Variants in VAV3 observed in about 807,000 individuals in gnomAD.
VAV3 encodes vav guanine nucleotide exchange factor 3.
In VAV3, 94 loss-of-function variants were observed where a neutral mutation model predicts 131.2. The ratio of observed to expected loss-of-function variants is 0.72; its 90% CI spans 0.61 to 0.85. The LOEUF (loss-of-function observed/expected upper bound fraction) is 0.85. Ranked by LOEUF, VAV3 falls within the 40% of genes least tolerant of loss-of-function variation. The pLI is 0.00. For missense variants in VAV3, 939 were observed against 1,002.7 expected, an observed-to-expected ratio of 0.94 and a Z score of 0.86; for synonymous variants, 349 against 342.0, an observed-to-expected ratio of 1.02 and a Z score of -0.22.
intron 2 of VAV3, among the ~76,000 whole-genome samples, chr1:107,841,074 C>T (rs2100921903): frequency 6.6e-6 from 1 of 152,228 alleles, no homozygotes; most frequent in South Asian, 2.1e-4. Context: ...TTGGCCAGTA[C>T]CAAAGGGAGA....
At chr1:107,673,536 T>C (rs1449455796) in intron 19 of VAV3, 2 of 152,218 alleles carry the variant, frequency 1.3e-5, no homozygotes, top group Admixed American at 6.5e-5. Context: ...CTAAAGTCTA[T>C]GCCTCTTTTA....
chr1:107,941,826 C>A (rs1461774461), intron 1 of VAV3, among the ~76,000 whole-genome samples: 1 of 152,134 alleles, frequency 6.6e-6, no homozygotes, highest in Non-Finnish European at 1.5e-5. Flanking sequence ...ATCATAAAAT[C>A]TCCCAGATGA....
chr1:107,578,807 T>G, intron 25 of VAV3: 1 of 985,138 alleles, frequency 1.0e-6, no homozygotes, highest in Non-Finnish European at 1.2e-6. Context: ...CATAAAGAAA[T>G]AAAACACTAT....
chr1:107,772,522 A>G lies in VAV3; in HGVS notation c.555+213T>C, dbSNP rs142162571. ...TCAGACTTTGTTTCCTTACTAGCGA[A>G]ATGAAAAGACTAGACAAAAGATTCC... On this transcript the variant is annotated intron_variant, in intron 5 of 26. Transcript: ENST00000370056. Among the ~76,000 whole-genome samples the G allele has an allele frequency of 3.9e-5, 6 of 152,286 alleles. No homozygotes were observed. The East Asian group carries it at 7.7e-4, about 20-fold the overall frequency.
chr1:107,783,898 A>G (rs1665839550), intron 2 of VAV3, among the ~76,000 whole-genome samples: 1 of 151,066 alleles, frequency 6.6e-6, no homozygotes, highest in Non-Finnish European at 1.5e-5. Flanking sequence ...AATACAAAAA[A>G]AAAAAAAAAA....
chr1:107,742,667 C>T (rs1396624854), intron 15 of VAV3, among the ~76,000 whole-genome samples: 1 of 152,134 alleles, frequency 6.6e-6, no homozygotes, highest in Non-Finnish European at 1.5e-5. Context: ...CTTTCTTTTC[C>T]CCTTTCCCAC....
intron 24 of VAV3, among the ~76,000 whole-genome samples, chr1:107,598,652 T>C (rs1363433178): frequency 2.0e-5 from 3 of 152,184 alleles, no homozygotes; most frequent in Non-Finnish European, 4.4e-5. Flanking sequence ...ATCTCCAAAA[T>C]GGTTTCAATG....
At chr1:107,672,268 C>CAAAAAAA (rs11299420) in intron 19 of VAV3, 6 of 77,742 alleles carry the variant, frequency 7.7e-5, no homozygotes, top group Non-Finnish European at 1.5e-4. Context: ...GACTCTGTCT[C>CAAAAAAA]AAAAAAAAAA....
chr1:107,924,546 T>C lies in VAV3; in HGVS notation c.204+40120A>G, dbSNP rs576315818. On this transcript the variant is annotated intron_variant, in intron 1 of 26. Coordinates refer to ENST00000370056, the MANE Select transcript of VAV3 (RefSeq NM_006113.5). ...CTCAACTTTTGTCAACTTCTCAGCA[T>C]ACCACCACCAAAAATATCTATGGCT... Among the ~76,000 whole-genome samples the C allele has an allele frequency of 2.3e-4, 35 of 152,310 alleles. No homozygotes were observed. The East Asian group carries it at 6.4e-3, about 28-fold the overall frequency.
At chr1:107,723,469 A>T (rs1206868193) in intron 15 of VAV3, among the ~76,000 whole-genome samples, 1 of 151,992 alleles carries the variant, frequency 6.6e-6, no homozygotes, top group Non-Finnish European at 1.5e-5. Flanking sequence ...CTCCATTTGG[A>T]CCTACCCTGT....
At chr1:107,942,507 TTC>T (rs1327222953) in intron 1 of VAV3, among the ~76,000 whole-genome samples, 3 of 152,172 alleles carry the variant, frequency 2.0e-5, no homozygotes, top group African/African-American at 7.2e-5. Flanking sequence ...CCACCACACT[TTC>T]TAATTGGTAA....
chr1:107,574,081 G>A lies in VAV3; in HGVS notation c.2468C>T (p.Ala823Val). The A allele has an allele frequency of 6.2e-7, 1 of 1,614,104 alleles. No homozygotes were observed. Among genetic ancestry groups the A allele is most frequent in the Middle Eastern group, 1.6e-4 (1 of 6,062 alleles). Residue 823 changes from alanine to valine, a missense_variant, in exon 26 of 27, where the codon GCA (alanine) becomes GTA (valine). By Grantham distance (64) the Ala-to-Val change is moderately conservative (BLOSUM62 0). Transcript: ENST00000370056. ...DVVKIYTKMSANGWWRGEVNG... is the reference protein window; with the variant it reads ...DVVKIYTKMSVNGWWRGEVNG... ...TACTTCTCCTCTCCACCAGCCATTT[G>A]CACTCATCTTTGTGTAAATCTTCAC...
chr1:107,619,580 AAAG>A (rs1376425373), intron 20 of VAV3, among the ~76,000 whole-genome samples: 1 of 152,170 alleles, frequency 6.6e-6, no homozygotes, highest in Non-Finnish European at 1.5e-5. Flanking sequence ...TCAGAAGAGA[AAAG>A]AATAAGAATG....
At chr1:107,578,872 A>G in intron 25 of VAV3, 2 of 985,158 alleles carry the variant, frequency 2.0e-6, no homozygotes, top group Non-Finnish European at 2.4e-6. Flanking sequence ...GGAATATAAC[A>G]AGAGATAAGT....
At chr1:107,766,595 A>T (rs1357427400) in intron 7 of VAV3, 45 bp from the exon 8 acceptor site, 10 of 1,455,656 alleles carry the variant, frequency 6.9e-6, no homozygotes, top group African/African-American at 1.4e-5. Flanking sequence ...AATAACAACC[A>T]AAAAATACAC....
intron 2 of VAV3, among the ~76,000 whole-genome samples, chr1:107,781,885 C>T (rs990189435): frequency 1.3e-5 from 2 of 152,066 alleles, no homozygotes; most frequent in African/African-American, 2.4e-5. Flanking sequence ...TGAACAAATA[C>T]TAATAAATTT....
chr1:107,727,093 C>A (rs894552761), intron 15 of VAV3, among the ~76,000 whole-genome samples: 1 of 152,194 alleles, frequency 6.6e-6, no homozygotes, highest in Non-Finnish European at 1.5e-5. Flanking sequence ...ATTAAATTAA[C>A]CTCCACACTT....
chr1:107,813,653 C>T (rs1242272990), intron 2 of VAV3, among the ~76,000 whole-genome samples: 1 of 152,094 alleles, frequency 6.6e-6, no homozygotes, highest in Non-Finnish European at 1.5e-5. Flanking sequence ...AAATGTAATG[C>T]ATTATTAACT....
chr1:107,604,154 A>G (rs999295319), intron 22 of VAV3, among the ~76,000 whole-genome samples: 9 of 152,204 alleles, frequency 5.9e-5, no homozygotes, highest in Non-Finnish European at 1.3e-4. Flanking sequence ...TAAAAGAAAA[A>G]TTCTGTTTAG....
Sources: gnomAD v4.1 joint callset for allele counts (sites outside exome capture counted in the v4.1 genomes callset) on GRCh38, gnomAD v4.1.1 for gene constraint, MANE v1.5 for transcripts, NCBI Gene and HGNC (gene_info 2026-07-23, HGNC 2026-07-21) for gene names.